The following SLC22A9 variants were observed in gnomAD, a reference collection of about 807,000 sequenced individuals.
SLC22A9 encodes solute carrier family 22 member 9, also known as organic anion transporter 7.
SLC22A9 carries 64 observed loss-of-function variants against 50.1 expected under a neutral mutation model. The observed-to-expected ratio is 1.28, with a 90% CI of 1.04 to 1.57. The LOEUF is 1.57. SLC22A9 is among the 40% of genes most tolerant of loss of function. The pLI, the probability that SLC22A9 is intolerant of heterozygous loss-of-function variation, is 0.00. For missense variants in SLC22A9, 757 were observed against 676.1 expected (o/e 1.12, Z -1.33); for synonymous variants, 261 against 242.5 (o/e 1.08, Z -0.71).
At chr11:63,403,161 A>T (rs941113308) in intron 6 of SLC22A9, among the ~76,000 whole-genome samples, 2 of 152,128 alleles carry the variant, frequency 1.3e-5, no homozygotes, top group Non-Finnish European at 2.9e-5. Flanking sequence ...ATTCCATATT[A>T]ATCCATTTTC....
In SLC22A9 at chr11:63,370,343, G is replaced by A; in HGVS notation, c.287G>A (p.Trp96Ter). 6.2e-7 allele frequency: 1 copy of A among 1,613,978 alleles called. No homozygotes were observed. The highest frequency in any genetic ancestry group is 1.1e-5 in the South Asian group (1 of 91,074). Residue 96 changes from tryptophan (W) to a stop codon, truncating the protein, a stop_gained, in exon 1 of 10, where the codon TGG becomes TAG. Transcript: ENST00000279178. LOFTEE classifies it high-confidence loss of function. The stretch of plus-strand genomic sequence containing the variant: ...TGTCGTCGCTTTGTTCATCCTCAGT[G>A]GCAGCTCCTTCACCTGAATGGGACC... The part of the protein sequence containing the change: ...EKCRRFVHPQ[W>*]QLLHLNGTFP...
intron 6 of SLC22A9, among the ~76,000 whole-genome samples, chr11:63,396,854 A>G (rs2014867522): frequency 6.6e-6 from 1 of 152,138 alleles, no homozygotes; most frequent in Non-Finnish European, 1.5e-5. Context: ...CTGTCTCTCC[A>G]GGATTGGTCC....
In SLC22A9 at chr11:63,389,466, A is replaced by T. The variant is rs1591020966; in HGVS notation, c.1073+7189A>T. ...CTGTTCCTGTGTTAGTTTGCTAAGA[A>T]TGATGGCTTCCAGCTTCATCCATGT... is the stretch of plus-strand genomic sequence containing the variant. On this transcript the variant is annotated intron_variant, in intron 6 of 9. Transcript: ENST00000279178. Among the ~76,000 whole-genome samples the T allele has an allele frequency of 2.6e-5, 4 of 152,280 alleles. No homozygotes were observed. In the South Asian group the frequency reaches 8.3e-4, roughly 32 times the overall value.
At chr11:63,376,014 T>TAACTA (rs2014455173) in intron 5 of SLC22A9, among the ~76,000 whole-genome samples, 1 of 152,244 alleles carries the variant, frequency 6.6e-6, no homozygotes, top group South Asian at 2.1e-4. Context: ...CACAAAGTAT[T>TAACTA]AACTATTGTA....
In SLC22A9 at chr11:63,385,562, A is replaced by G. The variant is rs550268028; in HGVS notation, c.1073+3285A>G. Among the ~76,000 whole-genome samples, 262 of 152,000 alleles carry G rather than the reference A, an allele frequency of 1.7e-3. 2 individuals are homozygous for G. In the Middle Eastern group the frequency reaches 0.024, roughly 14 times the overall value. ...TTTATTCTCTTTGCAGCAATTGTGA[A>G]TGGGAGTTTATTCATGATTTGGCTA... On this transcript the variant is annotated intron_variant, in intron 6 of 9. Transcript: ENST00000279178.
intron 6 of SLC22A9, among the ~76,000 whole-genome samples, chr11:63,394,104 T>C (rs554458089): frequency 2.5e-4 from 38 of 152,190 alleles, no homozygotes; most frequent in Non-Finnish European, 4.4e-4. Context: ...TACTTGTGTA[T>C]GCTTCACGAA....
intron 5 of SLC22A9, among the ~76,000 whole-genome samples, chr11:63,380,029 G>T (rs1430879798): frequency 6.6e-6 from 1 of 151,622 alleles, no homozygotes; most frequent in East Asian, 1.9e-4. Flanking sequence ...ATCGTGCCCG[G>T]CCAAACAAAC....
intron 6 of SLC22A9, among the ~76,000 whole-genome samples, chr11:63,392,929 C>A (rs1389073919): frequency 6.6e-5 from 10 of 152,026 alleles, no homozygotes; most frequent in African/African-American, 2.4e-4. Context: ...AGTAAAGATC[C>A]AGATTTGTTC....
Position 63,406,521 on chromosome 11 carries a change from T to C in SLC22A9, c.1098T>C (p.Phe366=). 5.6e-6 allele frequency: 9 copies of C among 1,613,742 alleles called. No individual in the cohort carries two copies. Among genetic ancestry groups the C allele is most frequent in the Non-Finnish European group, 7.6e-6 (9 of 1,179,740 alleles). Residue 366 remains phenylalanine (F), a synonymous_variant, in exon 7 of 10, where the codon TTT becomes TTC. Coordinates refer to ENST00000279178, the MANE Select transcript of SLC22A9 (RefSeq NM_080866.3). ...GATTTGCAAACTTTATGGCCTATTTTGGCCTTAATCTCCATGTCCAGCATC... is the reference window on the plus strand; with the variant it reads ...GATTTGCAAACTTTATGGCCTATTTCGGCCTTAATCTCCATGTCCAGCATC... ...FTRFANFMAY[F]GLNLHVQHLG...
rs189251180 is a variant in SLC22A9, at chr11:63,393,855, T to A, written c.1073+11578T>A. 2.5e-4 allele frequency among the ~76,000 whole-genome samples: 38 copies of A among 152,280 alleles called. No homozygotes were observed. In the East Asian group the frequency reaches 7.1e-3, roughly 29 times the overall value. ...TTGAATGTTGGCCTGTCTTGTTAGATTGGGGAAGTTCTCCTGGATAATATT... is the reference window on the plus strand; with the variant it reads ...TTGAATGTTGGCCTGTCTTGTTAGAATGGGGAAGTTCTCCTGGATAATATT... On this transcript the variant is annotated intron_variant, in intron 6 of 9. Transcript: ENST00000279178.
chr11:63,388,664 G>T (rs1314549385), intron 6 of SLC22A9, among the ~76,000 whole-genome samples: 1 of 151,536 alleles, frequency 6.6e-6, no homozygotes, highest in African/African-American at 2.4e-5. Flanking sequence ...TCTGATTTTG[G>T]TATCAGGGTA....
intron 8 of SLC22A9, 69 bp downstream of exon 8, chr11:63,408,289 G>T (rs146831735): frequency 4.0e-6 from 5 of 1,246,878 alleles, no homozygotes; most frequent in Non-Finnish European, 5.9e-6. Context: ...CACTTTTTGC[G>T]GGAAGAAATC....
At chr11:63,403,240 C>A (rs950463760) in intron 6 of SLC22A9, among the ~76,000 whole-genome samples, 1 of 152,038 alleles carries the variant, frequency 6.6e-6, no homozygotes, top group Non-Finnish European at 1.5e-5. Flanking sequence ...TTGTTACATA[C>A]TAAGAGAATG....
chr11:63,399,748 T>A (rs1464958034), intron 6 of SLC22A9, among the ~76,000 whole-genome samples: 1 of 152,142 alleles, frequency 6.6e-6, no homozygotes, highest in Non-Finnish European at 1.5e-5. Flanking sequence ...GGATGTACAT[T>A]CTTCCCATCA....
chr11:63,408,817 C>T lies in SLC22A9; in HGVS notation c.1539C>T (p.Phe513=), dbSNP rs777209733. ...GVFPFISGFA[F]LLLPETRNKP... ...TCCCCTTCATCTCTGGCTTTGCTTTCCTCCTCCTTCCTGAAACCAGGAACA... is the reference window on the plus strand; with the variant it reads ...TCCCCTTCATCTCTGGCTTTGCTTTTCTCCTCCTTCCTGAAACCAGGAACA... The change falls in exon 9 of 10, where the codon TTC becomes TTT. Residue 513 remains phenylalanine (F), a synonymous_variant. Coordinates refer to ENST00000279178, the MANE Select transcript of SLC22A9 (RefSeq NM_080866.3). The T allele has an allele frequency of 3.7e-6, 6 of 1,613,964 alleles. No individual in the cohort carries two copies. The Admixed American group carries it at 5.0e-5, about 13-fold the overall frequency.
intron 5 of SLC22A9, among the ~76,000 whole-genome samples, chr11:63,381,764 G>A (rs1050382134): frequency 2.0e-5 from 3 of 152,166 alleles, no homozygotes; most frequent in African/African-American, 7.2e-5. Flanking sequence ...ACCAGGGGCA[G>A]TGAGCTGAGA....
At chr11:63,401,141 C>T (rs1006124670) in intron 6 of SLC22A9, among the ~76,000 whole-genome samples, 1 of 151,756 alleles carries the variant, frequency 6.6e-6, no homozygotes, top group Non-Finnish European at 1.5e-5. Flanking sequence ...CAGTAGTGGA[C>T]GTCCTACCCA....
At chr11:63,399,359 G>A (rs2014916361) in intron 6 of SLC22A9, among the ~76,000 whole-genome samples, 1 of 152,100 alleles carries the variant, frequency 6.6e-6, no homozygotes, top group Non-Finnish European at 1.5e-5. Context: ...AGAGAAAAAG[G>A]TATTCCATGC....
chr11:63,379,024 A>G (rs1159245876), intron 5 of SLC22A9, among the ~76,000 whole-genome samples: 1 of 152,182 alleles, frequency 6.6e-6, no homozygotes, highest in Non-Finnish European at 1.5e-5. Flanking sequence ...CTATTCTAAA[A>G]TTCATATGGA....
Sources: allele counts gnomAD v4.1 joint callset (sites outside exome capture counted in the v4.1 genomes callset), GRCh38; gene constraint gnomAD v4.1.1; transcripts MANE v1.5; gene names NCBI Gene and HGNC (gene_info 2026-07-23, HGNC 2026-07-21).